The following DSCAML1 variants were observed in gnomAD, a reference collection of about 807,000 sequenced individuals.
The protein encoded by DSCAML1 is DS cell adhesion molecule like 1, also known as cell adhesion molecule DSCAML1.
Under a neutral mutation model 200.5 loss-of-function variants are expected in DSCAML1, and 38 were observed. That is an observed-to-expected ratio of 0.19 (90% CI 0.15 to 0.25). The LOEUF is 0.25. Ranked by LOEUF, DSCAML1 falls within the 10% of genes least tolerant of loss-of-function variation. The probability of loss-of-function intolerance (pLI) is 1.00; values close to 1 mark genes in which losing one functional copy is unlikely to be tolerated. For missense variants in DSCAML1, 2,223 were observed against 2,858.8 expected, an observed-to-expected ratio of 0.78 and a Z score of 5.07; for synonymous variants, 1,215 against 1,165.0, an observed-to-expected ratio of 1.04 and a Z score of -0.87.
chr11:117,684,989 T>C (rs1468703727), intron 3 of DSCAML1, among the ~76,000 whole-genome samples: 2 of 152,208 alleles, frequency 1.3e-5, no homozygotes, highest in African/African-American at 2.4e-5. Context: ...AACTTGGCAA[T>C]AGAGGAGGTC....
chr11:117,587,256 C>CCCG lies in DSCAML1; in HGVS notation c.512-54735_512-54734insCGG, dbSNP rs141734075. Among the ~76,000 whole-genome samples, 14 of 148,844 alleles carry CCCG rather than the reference C, an allele frequency of 9.4e-5. No homozygotes were observed. The East Asian group carries it at 2.8e-3, about 30-fold the overall frequency. On this transcript the variant is annotated intron_variant, in intron 3 of 32. Coordinates refer to ENST00000651296, the MANE Select transcript of DSCAML1 (RefSeq NM_020693.4). ...TGAGCTCATTCGATTCTTTCCAACC[C>CCCG]CCCCCCACGATTTAGATACTATTAT...
At chr11:117,485,935 G>A (rs1167151267) in intron 11 of DSCAML1, among the ~76,000 whole-genome samples, 1 of 152,220 alleles carries the variant, frequency 6.6e-6, no homozygotes. Context: ...ACACCTACTG[G>A]TGTCAGCCAG....
intron 3 of DSCAML1, among the ~76,000 whole-genome samples, chr11:117,672,263 G>A (rs1444826905): frequency 6.6e-6 from 1 of 152,092 alleles, no homozygotes. Context: ...CTGCCTCCCA[G>A]CCCAGTGCCC....
intron 3 of DSCAML1, among the ~76,000 whole-genome samples, chr11:117,576,933 C>T (rs181127875): frequency 1.2e-3 from 182 of 152,326 alleles, no homozygotes; most frequent in African/African-American, 3.9e-3. Flanking sequence ...AGGCGTCTTA[C>T]GAGGGCGTCC....
Position 117,780,547 on chromosome 11 carries a change from T to A in DSCAML1, c.310A>T (p.Thr104Ser). 2 of 1,528,428 alleles carry A rather than the reference T, an allele frequency of 1.3e-6. No homozygotes were observed. The highest frequency in any genetic ancestry group is 1.8e-6 in the Non-Finnish European group (2 of 1,133,648). 94.7% of individuals were successfully genotyped at this position (1,528,428 alleles called of 1,614,324 possible). A position where few individuals can be genotyped will look rare whatever the true frequency, so the allele number is the denominator to read the frequency against. The change falls in exon 2 of 33, where the codon ACC (threonine) becomes TCC (serine). Residue 104 changes from threonine (T) to serine (S), a missense_variant. By Grantham distance (58) the Thr-to-Ser change is moderately conservative (BLOSUM62 1). Around this residue, in one of 7 missense-constraint regions of DSCAML1, gnomAD observed 579 missense variants for 721.5 expected, o/e 0.80. Coordinates refer to ENST00000651296, the MANE Select transcript of DSCAML1 (RefSeq NM_020693.4). This position sits in a 1 kb window ranked among gnomAD's most constrained non-coding sequence, Gnocchi z 4.8. ...ATCTTGCCGGCAGCGTTCTCCGCGG[T>A]GCAGAAGTAGTCATTGTCGTGGATA... Reference protein sequence around the residue: ...SFIHDNDYFCTAENAAGKIRS... With the variant: ...SFIHDNDYFCSAENAAGKIRS...
At chr11:117,477,349 A>AGTGTGTGTGT (rs5795087) in intron 14 of DSCAML1, among the ~76,000 whole-genome samples, 11 of 140,216 alleles carry the variant, frequency 7.8e-5, no homozygotes, top group East Asian at 2.2e-4. Context: ...TGGTTCTGAA[A>AGTGTGTGTGT]GTGTGTGTGT....
intron 3 of DSCAML1, among the ~76,000 whole-genome samples, chr11:117,683,944 C>T (rs1451187539): frequency 3.9e-5 from 6 of 152,160 alleles, no homozygotes; most frequent in Non-Finnish European, 7.3e-5. Context: ...CACATAGACA[C>T]GTATGTGCAC....
At chr11:117,703,167 C>G (rs1351971112) in intron 3 of DSCAML1, among the ~76,000 whole-genome samples, 1 of 152,174 alleles carries the variant, frequency 6.6e-6, no homozygotes. Context: ...GGCTGCCCAG[C>G]AACTCCATTA....
intron 3 of DSCAML1, among the ~76,000 whole-genome samples, chr11:117,736,787 G>A (rs1451867059): frequency 6.6e-6 from 1 of 152,176 alleles, no homozygotes; most frequent in Non-Finnish European, 1.5e-5. Flanking sequence ...AAATGGTTTT[G>A]GCAATAACAC....
intron 3 of DSCAML1, among the ~76,000 whole-genome samples, chr11:117,554,442 G>A (rs1256814477): frequency 6.6e-6 from 1 of 152,068 alleles, no homozygotes; most frequent in Non-Finnish European, 1.5e-5. Flanking sequence ...GTGCGGTGGT[G>A]CGATCTCGGC....
At chr11:117,595,059 T>TACACACACACACACACACACACACAC (rs374932790) in intron 3 of DSCAML1, among the ~76,000 whole-genome samples, 5 of 143,816 alleles carry the variant, frequency 3.5e-5, no homozygotes, top group Non-Finnish European at 7.6e-5. Flanking sequence ...GTCTTTCTCT[T>TACACACACACACACACACACACACAC]ACACACACAC....
intron 3 of DSCAML1, among the ~76,000 whole-genome samples, chr11:117,765,443 A>C (rs2054879654): frequency 6.6e-6 from 1 of 152,138 alleles, no homozygotes; most frequent in Non-Finnish European, 1.5e-5. Flanking sequence ...TCAGGCCTTT[A>C]GCCCTGAAGG....
chr11:117,516,782 G>A lies in DSCAML1; in HGVS notation c.1511-43C>T, dbSNP rs1293164703. On this transcript the variant is annotated intron_variant, in intron 7 of 32. Transcript: ENST00000651296. This position sits in a 1 kb window ranked among gnomAD's most constrained non-coding sequence, Gnocchi z 5.7. ...GAGAGGAGGAGGAGGAGAAGGGCAT[G>A]TGCTGCTGTCAGCCAGGGACAGCCA... The A allele has an allele frequency of 5.1e-6, 8 of 1,578,830 alleles. No individual in the cohort carries two copies. In the Admixed American group the frequency reaches 5.1e-5, roughly 10 times the overall value.
intron 3 of DSCAML1, among the ~76,000 whole-genome samples, chr11:117,729,733 G>A (rs1240038352): frequency 1.3e-5 from 2 of 152,252 alleles, no homozygotes; most frequent in Non-Finnish European, 2.9e-5. Flanking sequence ...TTGGGTGGCT[G>A]TTGTGATAGA....
At position 117,780,239 on chromosome 11, in the gene DSCAML1, A is replaced by G. The variant is rs1210456214; in HGVS notation, c.364+254T>C. On this transcript the variant is annotated intron_variant, in intron 2 of 32. Coordinates refer to ENST00000651296, the MANE Select transcript of DSCAML1 (RefSeq NM_020693.4). This position sits in a 1 kb window ranked among gnomAD's most constrained non-coding sequence, Gnocchi z 4.8. ...AGAGAGAAAGAAAGAAAGGAAAGAA[A>G]GAAAGAAAGAAAGAAAGAAAGAAAG... Among the ~76,000 whole-genome samples, 1 of 74,746 alleles carries G rather than the reference A, an allele frequency of 1.3e-5. No individual in the cohort carries two copies. Among genetic ancestry groups the G allele is most frequent in the Non-Finnish European group, 2.8e-5 (1 of 35,906 alleles). 49.0% of individuals were successfully genotyped at this position (74,746 alleles called of 152,430 possible).
At chr11:117,430,345 C>T (rs2047760387) in intron 32 of DSCAML1, among the ~76,000 whole-genome samples, 1 of 152,234 alleles carries the variant, frequency 6.6e-6, no homozygotes, top group Non-Finnish European at 1.5e-5. Context: ...TCCATCCTGG[C>T]ACAGCTTCAG....
At chr11:117,796,544 C>A (rs926269384) in intron 1 of DSCAML1, among the ~76,000 whole-genome samples, 2 of 152,252 alleles carry the variant, frequency 1.3e-5, no homozygotes, top group Non-Finnish European at 2.9e-5. Context: ...CGCCAACATT[C>A]GCGCCAGGGC....
At chr11:117,588,819 C>G (rs898746636) in intron 3 of DSCAML1, among the ~76,000 whole-genome samples, 1 of 152,200 alleles carries the variant, frequency 6.6e-6, no homozygotes, top group African/African-American at 2.4e-5. Context: ...TCCTGTCCCC[C>G]TCCTCTAAGC....
At chr11:117,807,073 G>A (rs956778803) in intron 1 of DSCAML1, among the ~76,000 whole-genome samples, 16 of 152,238 alleles carry the variant, frequency 1.1e-4, no homozygotes, top group Middle Eastern at 6.8e-3. Context: ...CGGGGCACCC[G>A]CTTCCCCCAA....
Sources: gnomAD v4.1 joint callset for allele counts (sites outside exome capture counted in the v4.1 genomes callset) on GRCh38, gnomAD v4.1.1 for gene constraint, gnomAD v4.1.1 regional missense constraint, Gnocchi (gnomAD v3.1) non-coding constraint, MANE v1.5 for transcripts, NCBI Gene and HGNC (gene_info 2026-07-23, HGNC 2026-07-21) for gene names.